The following CSNK1A1 variants were observed in gnomAD, a reference collection of about 807,000 sequenced individuals.
The protein encoded by CSNK1A1 is casein kinase I isoform alpha.
CSNK1A1 carries 7 observed loss-of-function variants against 46.1 expected under a neutral mutation model. That is an observed-to-expected ratio of 0.15 (90% CI 0.09 to 0.29). The LOEUF is 0.29. Ranked by LOEUF, CSNK1A1 falls within the 10% of genes least tolerant of loss-of-function variation. CSNK1A1 has a pLI of 1.00. For synonymous variants in CSNK1A1, 137 were observed against 141.5 expected (o/e 0.97, Z 0.23); for missense variants, 96 against 417.1 (o/e 0.23, Z 6.71).
At position 149,496,112 on chromosome 5, in the gene CSNK1A1, G is replaced by A. The variant is rs1165299651; in HGVS notation, c.*741C>T. The stretch of plus-strand genomic sequence containing the variant: ...ATTTATCTAAGCAACATACATACAT[G>A]TTCAGTTGTAAGATGTTAACTAAAT... On this transcript the variant is annotated 3_prime_UTR_variant, in exon 10 of 10. Coordinates refer to ENST00000377843, the MANE Select transcript of CSNK1A1 (RefSeq NM_001892.6). 6.6e-6 allele frequency: 1 copy of A among 152,362 alleles called. No homozygotes were observed. Among genetic ancestry groups the A allele is most frequent in the East Asian group, 1.9e-4 (1 of 5,196 alleles). The allele number at this position is 152,362 out of a possible 1,614,324, so 9.4% of individuals were successfully genotyped here.
chr5:149,497,458 CTTTT>C (rs1760689160), intron 9 of CSNK1A1: 1 of 985,962 alleles, frequency 1.0e-6, no homozygotes, highest in East Asian at 1.1e-4. Flanking sequence ...GCAAGTGATG[CTTTT>C]TTGGCTTTAT....
chr5:149,518,126 G>C (rs184601479), intron 4 of CSNK1A1, among the ~76,000 whole-genome samples: 1 of 152,268 alleles, frequency 6.6e-6, no homozygotes, highest in African/African-American at 2.4e-5. Flanking sequence ...AACAGGGATA[G>C]CAATGGTGAC....
At chr5:149,547,044 C>T (rs575376724) in intron 2 of CSNK1A1, among the ~76,000 whole-genome samples, 2 of 152,226 alleles carry the variant, frequency 1.3e-5, no homozygotes, top group Admixed American at 1.3e-4. Flanking sequence ...ACTCCTAAAG[C>T]AAATTTACCC....
At chr5:149,541,145 G>A (rs919211788) in intron 2 of CSNK1A1, among the ~76,000 whole-genome samples, 1 of 142,876 alleles carries the variant, frequency 7.0e-6, no homozygotes, top group African/African-American at 2.8e-5. Flanking sequence ...GTTAATACTG[G>A]TCAACCAATT....
At chr5:149,536,580 T>C (rs1762068968) in intron 2 of CSNK1A1, among the ~76,000 whole-genome samples, 1 of 152,076 alleles carries the variant, frequency 6.6e-6, no homozygotes, top group Admixed American at 6.5e-5. Context: ...AAGGACACAA[T>C]GCCTGGGCTG....
chr5:149,550,365 G>A lies in CSNK1A1; in HGVS notation c.124-184C>T, dbSNP rs1762619108. 7.1e-7 allele frequency: 1 copy of A among 1,401,902 alleles called. No individual in the cohort carries two copies. Among genetic ancestry groups the A allele is most frequent in the African/African-American group, 1.5e-5 (1 of 68,838 alleles). The allele number at this position is 1,401,902 out of a possible 1,614,324, so 86.8% of individuals were successfully genotyped here. On this transcript the variant is annotated intron_variant, in intron 1 of 9. Transcript: ENST00000377843. The surrounding 1 kb of genome is among the most constrained non-coding windows in gnomAD (Gnocchi z 4.3). ...GCCTCAAAGGCCTCTTCAGGGGGTA[G>A]TGACGAAATCCGTACGTCCTCTAAA... is the stretch of plus-strand genomic sequence containing the variant.
intron 2 of CSNK1A1, among the ~76,000 whole-genome samples, chr5:149,528,197 A>C (rs569959830): frequency 3.3e-5 from 5 of 152,300 alleles, no homozygotes; most frequent in Admixed American, 3.3e-4. Context: ...TCCTTGCTTA[A>C]ATTTATGAAC....
chr5:149,549,063 G>A (rs1033338215), intron 2 of CSNK1A1, among the ~76,000 whole-genome samples: 1 of 152,094 alleles, frequency 6.6e-6, no homozygotes, highest in Admixed American at 6.6e-5. Context: ...TGTCTATCTC[G>A]TCATCTTTTA....
intron 9 of CSNK1A1, chr5:149,499,119 T>C (rs1760744148): frequency 8.1e-6 from 8 of 985,338 alleles, no homozygotes; most frequent in Non-Finnish European, 9.6e-6. Context: ...AAAACCTCAA[T>C]AGGAATATTC....
chr5:149,502,676 A>G, intron 9 of CSNK1A1: 1 of 985,174 alleles, frequency 1.0e-6, no homozygotes, highest in South Asian at 4.7e-5. Context: ...CGCCTGTCCT[A>G]AAGTTTTTAA....
intron 9 of CSNK1A1, among the ~76,000 whole-genome samples, chr5:149,500,031 C>T (rs1432680621): frequency 3.6e-5 from 5 of 139,000 alleles, no homozygotes; most frequent in African/African-American, 5.5e-5. Flanking sequence ...TACAATGGCG[C>T]GATCTCCGCC....
intron 2 of CSNK1A1, among the ~76,000 whole-genome samples, chr5:149,531,442 C>G (rs1285313486): frequency 1.3e-5 from 2 of 151,552 alleles, no homozygotes; most frequent in Non-Finnish European, 2.9e-5. Flanking sequence ...TGCTTGAACC[C>G]GGGAGGCCGA....
chr5:149,504,319 T>A, intron 9 of CSNK1A1: 1 of 983,860 alleles, frequency 1.0e-6, no homozygotes, highest in Non-Finnish European at 1.2e-6. Flanking sequence ...TAATAATATT[T>A]CTTGAAAAGT....
In CSNK1A1 at chr5:149,525,459, C is replaced by T. The variant is rs147892983; in HGVS notation, c.231-288G>A. ...GGCAGCTGAATTTTATACCCACTGGCCACTGATTCCTATGGCCTTTACCAA... is the reference window on the plus strand; with the variant it reads ...GGCAGCTGAATTTTATACCCACTGGTCACTGATTCCTATGGCCTTTACCAA... On this transcript the variant is annotated intron_variant, in intron 2 of 9. Coordinates refer to ENST00000377843, the MANE Select transcript of CSNK1A1 (RefSeq NM_001892.6). This position sits in a 1 kb window ranked among gnomAD's most constrained non-coding sequence, Gnocchi z 4.2. Among the ~76,000 whole-genome samples the T allele has an allele frequency of 1.0e-3, 154 of 152,278 alleles. No homozygotes were observed. Among genetic ancestry groups the T allele is most frequent in the African/African-American group, 3.5e-3 (146 of 41,562 alleles).
chr5:149,532,185 T>A (rs1056827679), intron 2 of CSNK1A1, among the ~76,000 whole-genome samples: 3 of 152,142 alleles, frequency 2.0e-5, no homozygotes, highest in African/African-American at 7.2e-5. Context: ...AGCCCTACAC[T>A]CTGCTTATTA....
intron 3 of CSNK1A1, among the ~76,000 whole-genome samples, chr5:149,523,953 T>C (rs775578519): frequency 2.6e-4 from 39 of 152,202 alleles, no homozygotes; most frequent in Non-Finnish European, 5.4e-4. Context: ...CTACTTCTCT[T>C]CATCCCTCTG....
chr5:149,518,453 A>G (rs368345877), intron 4 of CSNK1A1, among the ~76,000 whole-genome samples: 254 of 152,256 alleles, frequency 1.7e-3, no homozygotes, highest in Non-Finnish European at 2.7e-3. Context: ...TTCCCCATGA[A>G]TAGAAAACTA....
At position 149,517,422 on chromosome 5, in the gene CSNK1A1, C is replaced by T. The variant is rs79461105; in HGVS notation, c.456+2868G>A. On this transcript the variant is annotated intron_variant, in intron 4 of 9. Transcript: ENST00000377843. The surrounding 1 kb of genome is among the most constrained non-coding windows in gnomAD (Gnocchi z 4.4). ...TAATGAACTGAATTTAAATATATTTCGTGCATTAAGTTGTGTAACTCCAAA... is the reference window on the plus strand; with the variant it reads ...TAATGAACTGAATTTAAATATATTTTGTGCATTAAGTTGTGTAACTCCAAA... Among the ~76,000 whole-genome samples, 2,471 of 152,188 alleles carry T rather than the reference C, an allele frequency of 0.016. 272 individuals are homozygous for T. In the East Asian group the frequency reaches 0.32, roughly 19 times the overall value.
At chr5:149,512,327 ATT>A (rs1761252951) in intron 5 of CSNK1A1, among the ~76,000 whole-genome samples, 2 of 152,040 alleles carry the variant, frequency 1.3e-5, no homozygotes, top group Admixed American at 6.5e-5. Context: ...ATATATATAT[ATT>A]TAAGGATAGG....
Sources: allele counts gnomAD v4.1 joint callset (sites outside exome capture counted in the v4.1 genomes callset), GRCh38; gene constraint gnomAD v4.1.1; non-coding constraint Gnocchi (gnomAD v3.1); transcripts MANE v1.5; gene names NCBI Gene and HGNC (gene_info 2026-07-23, HGNC 2026-07-21).